Variants in CPA3 observed in about 807,000 individuals in gnomAD.
CPA3 encodes carboxypeptidase A3, also known as mast cell carboxypeptidase A.
Under a neutral mutation model 55.8 loss-of-function variants are expected in CPA3, and 52 were observed. The observed-to-expected ratio is 0.93, with a 90% CI of 0.75 to 1.17. CPA3 has a LOEUF of 1.17. CPA3 is among the 50% of genes most tolerant of loss of function. The pLI is 0.00. For synonymous variants in CPA3, 179 were observed against 171.2 expected (o/e 1.05, Z -0.36); for missense variants, 547 against 509.1 (o/e 1.07, Z -0.72).
chr3:148,879,894 G>A lies in CPA3; in HGVS notation c.576+5G>A. 10 of 1,600,218 alleles carry A rather than the reference G, an allele frequency of 6.2e-6. No individual in the cohort carries two copies. The South Asian group carries it at 8.8e-5, about 14-fold the overall frequency. ...TGCCAGTGGTTTGTCTATCAGGTAA[G>A]TGAATCAGAAGACTCCCAATTCTCC... On this transcript the variant is annotated splice_donor_5th_base_variant and intron_variant, in intron 6 of 10. Coordinates refer to ENST00000296046, the MANE Select transcript of CPA3 (RefSeq NM_001870.4).
intron 5 of CPA3, among the ~76,000 whole-genome samples, 198 bp from the exon 6 acceptor site, chr3:148,879,590 T>C (rs1160161851): frequency 1.3e-5 from 2 of 152,224 alleles, no homozygotes; most frequent in African/African-American, 2.4e-5. Context: ...ATATGCATTG[T>C]AATAGATTAT....
chr3:148,882,932 A>C (rs1290742298), intron 8 of CPA3, among the ~76,000 whole-genome samples: 1 of 152,174 alleles, frequency 6.6e-6, no homozygotes. Context: ...CAGTGGCTAA[A>C]AGCAACATAC....
Position 148,896,163 on chromosome 3 carries a change from G to T in CPA3, c.1067-357G>T, listed in dbSNP as rs1576507375. Among the ~76,000 whole-genome samples, 3 of 53,394 alleles carry T rather than the reference G, an allele frequency of 5.6e-5. No individual in the cohort carries two copies. The South Asian group carries it at 1.5e-3, about 26-fold the overall frequency. 35.0% of individuals were successfully genotyped at this position (53,394 alleles called of 152,430 possible). The stretch of plus-strand genomic sequence containing the variant: ...TATCTTGTGTGTATAGTTTTTCCCT[G>T]GTGGTTTTCAACGACCAGTGACTCC... On this transcript the variant is annotated intron_variant, in intron 10 of 10. Coordinates refer to ENST00000296046, the MANE Select transcript of CPA3 (RefSeq NM_001870.4).
chr3:148,869,251 T>A (rs910880655), intron 3 of CPA3, among the ~76,000 whole-genome samples: 4 of 152,190 alleles, frequency 2.6e-5, no homozygotes, highest in African/African-American at 9.7e-5. Context: ...AACATCTACC[T>A]TACATTTGCT....
At chr3:148,887,412 T>G (rs1714562557) in intron 10 of CPA3, among the ~76,000 whole-genome samples, 1 of 152,160 alleles carries the variant, frequency 6.6e-6, no homozygotes, top group Non-Finnish European at 1.5e-5. Context: ...ACAACAACCC[T>G]ATGAGGTGGG....
chr3:148,896,597 A>C lies in CPA3; in HGVS notation c.1144A>C (p.Lys382Gln). ...CACATTTGCCTTTGAGCTCCGAGATAAAGGCAAATTTGGTTTTCTCCTTCC... is the reference window on the plus strand; with the variant it reads ...CACATTTGCCTTTGAGCTCCGAGATCAAGGCAAATTTGGTTTTCTCCTTCC... ...KHTFAFELRD[K>Q]GKFGFLLPES... Residue 382 changes from lysine (K) to glutamine (Q), a missense_variant, in exon 11 of 11, where the codon AAA becomes CAA. Physicochemically the swap from Lys to Gln is moderately conservative, Grantham distance 53. Coordinates refer to ENST00000296046, the MANE Select transcript of CPA3 (RefSeq NM_001870.4). 3.8e-6 allele frequency: 6 copies of C among 1,590,806 alleles called. No homozygotes were observed. Among genetic ancestry groups the C allele is most frequent in the Non-Finnish European group, 5.2e-6 (6 of 1,162,328 alleles).
intron 3 of CPA3, among the ~76,000 whole-genome samples, chr3:148,876,213 TA>T (rs1714198834): frequency 6.6e-6 from 1 of 151,416 alleles, no homozygotes; most frequent in Admixed American, 6.6e-5. Flanking sequence ...AATATATATA[TA>T]TATAAATAGA....
At chr3:148,883,508 G>A in intron 8 of CPA3, 105 bp from the exon 9 acceptor site, 1 of 921,500 alleles carries the variant, frequency 1.1e-6, no homozygotes, top group Non-Finnish European at 1.7e-6. Context: ...AACATGAGAG[G>A]CAAAAACATT....
In CPA3 at chr3:148,883,815, G is replaced by A. The variant is rs760646834; in HGVS notation, c.981G>A (p.Leu327=). The change falls in exon 9 of 11, where the codon TTG becomes TTA. Residue 327 remains leucine, a splice_region_variant and synonymous_variant. Coordinates refer to ENST00000296046, the MANE Select transcript of CPA3 (RefSeq NM_001870.4). ...AACTGCCACCTAACCATGAGGACTT[G>A]GTACGTAGACAAAAGTTTGCACTTC... ...TSKLPPNHED[L]AKVAKIGTDV... 2 of 1,612,280 alleles carry A rather than the reference G, an allele frequency of 1.2e-6. No homozygotes were observed. The highest frequency in any genetic ancestry group is 1.7e-6 in the Non-Finnish European group (2 of 1,178,458).
chr3:148,894,064 G>A (rs1414998418), intron 10 of CPA3, among the ~76,000 whole-genome samples: 1 of 152,142 alleles, frequency 6.6e-6, no homozygotes, highest in East Asian at 1.9e-4. Flanking sequence ...AAAAGGCTTG[G>A]AACTGCAGAG....
At chr3:148,874,728 GATCA>G in intron 3 of CPA3, among the ~76,000 whole-genome samples, 1 of 152,312 alleles carries the variant, frequency 6.6e-6, no homozygotes, top group South Asian at 2.1e-4. Flanking sequence ...TCAGAACTCA[GATCA>G]GTCAGTCAAT....
chr3:148,870,078 G>A (rs9813166), intron 3 of CPA3: 73,839 of 132,374 alleles, frequency 0.56, 20,297 homozygotes, highest in Middle Eastern at 0.7. Flanking sequence ...GGGTGACAGA[G>A]CAAGACTCCA....
chr3:148,895,235 G>C (rs753636666), intron 10 of CPA3, among the ~76,000 whole-genome samples: 4 of 152,142 alleles, frequency 2.6e-5, no homozygotes, highest in Non-Finnish European at 5.9e-5. Context: ...GCTGGATCTC[G>C]TTGGTTTCTA....
At position 148,885,701 on chromosome 3, in the gene CPA3, T is replaced by C. The variant is rs553816229; in HGVS notation, c.982-392T>C. 3.2e-4 allele frequency among the ~76,000 whole-genome samples: 49 copies of C among 152,220 alleles called. No individual in the cohort carries two copies. The South Asian group carries it at 9.1e-3, about 28-fold the overall frequency. ...CTGGGATTACAGGCGTGAGCCACCG[T>C]GCCCGGCCAAGTCTTTATACTTACC... On this transcript the variant is annotated intron_variant, in intron 9 of 10. Coordinates refer to ENST00000296046, the MANE Select transcript of CPA3 (RefSeq NM_001870.4).
At chr3:148,867,939 A>C (rs1172053523) in intron 2 of CPA3, among the ~76,000 whole-genome samples, 1 of 152,208 alleles carries the variant, frequency 6.6e-6, no homozygotes, top group African/African-American at 2.4e-5. Context: ...CTTGTTGCCC[A>C]GGCTGGAGTG....
intron 6 of CPA3, among the ~76,000 whole-genome samples, chr3:148,881,167 A>T (rs150955317): frequency 2.6e-5 from 4 of 152,176 alleles, no homozygotes; most frequent in Non-Finnish European, 4.4e-5. Flanking sequence ...ATCTATATTT[A>T]TGTAAAAGAT....
intron 2 of CPA3, among the ~76,000 whole-genome samples, chr3:148,866,164 G>T (rs1242415154): frequency 6.6e-6 from 1 of 152,156 alleles, no homozygotes; most frequent in African/African-American, 2.4e-5. Context: ...TGAAACAGAA[G>T]AGCTAAAGTG....
intron 3 of CPA3, among the ~76,000 whole-genome samples, chr3:148,869,710 C>A (rs1241016267): frequency 2.0e-5 from 3 of 152,146 alleles, no homozygotes; most frequent in African/African-American, 7.2e-5. Flanking sequence ...TATTGAGCAG[C>A]AACCATGGGC....
chr3:148,881,176 A>G (rs1013155442), intron 6 of CPA3, among the ~76,000 whole-genome samples: 1 of 152,198 alleles, frequency 6.6e-6, no homozygotes, highest in African/African-American at 2.4e-5. Context: ...TATGTAAAAG[A>G]TGTGAGAGAA....
Sources: allele counts gnomAD v4.1 joint callset (sites outside exome capture counted in the v4.1 genomes callset), GRCh38; gene constraint gnomAD v4.1.1; transcripts MANE v1.5; gene names NCBI Gene and HGNC (gene_info 2026-07-23, HGNC 2026-07-21).